GLRX3: variants seen among roughly 807,000 people sequenced by gnomAD.
GLRX3 encodes glutaredoxin 3.
In GLRX3, 22 loss-of-function variants were observed where a neutral mutation model predicts 49.5. That is an observed-to-expected ratio of 0.44 (90% confidence interval 0.32 to 0.63). The LOEUF (loss-of-function observed/expected upper bound fraction) is 0.63, where lower values mean the gene tolerates loss of function less well. Ranked by LOEUF, GLRX3 falls within the 30% of genes least tolerant of loss-of-function variation. GLRX3 has a pLI of 0.05. For synonymous variants in GLRX3, 133 were observed against 140.0 expected, an observed-to-expected ratio of 0.95 and a Z score of 0.35; for missense variants, 385 against 396.3, an observed-to-expected ratio of 0.97 and a Z score of 0.24.
At chr10:130,142,736 AT>A (rs1862198291) in intron 1 of GLRX3, among the ~76,000 whole-genome samples, 1 of 151,870 alleles carries the variant, frequency 6.6e-6, no homozygotes, top group Non-Finnish European at 1.5e-5. Context: ...GCATTGGATG[AT>A]TGTCACTCCC....
At chr10:130,175,176 G>A (rs1202816122) in intron 10 of GLRX3, 87 bp downstream of exon 10, 3 of 803,568 alleles carry the variant, frequency 3.7e-6, no homozygotes, top group African/African-American at 1.7e-5. Context: ...AAACTTGAGA[G>A]TTGTTTTTGA....
chr10:130,148,470 A>G (rs1862310575), intron 2 of GLRX3, among the ~76,000 whole-genome samples: 2 of 117,438 alleles, frequency 1.7e-5, no homozygotes, highest in Admixed American at 2.1e-4. Context: ...TAATGATGAA[A>G]TGGTTTGGCA....
Position 130,160,943 on chromosome 10 carries a change from C to T in GLRX3, c.424C>T (p.His142Tyr). Residue 142 changes from histidine to tyrosine, a missense_variant, in exon 4 of 11, where the codon CAT becomes TAT. Physicochemically the swap from His to Tyr is moderately conservative, Grantham distance 83. This residue lies in a region of GLRX3 where 374 missense variants were observed against 358.6 expected (regional missense o/e 1.04). Transcript: ENST00000331244. ...DLNLRLKKLT[H>Y]AAPCMLFMKG... ...CAACCTTCGCTTGAAGAAATTGACT[C>T]ATGCTGCCCCCTGCATGCTGTTTAT... The T allele has an allele frequency of 6.2e-7, 1 of 1,613,828 alleles. No homozygotes were observed. Among genetic ancestry groups the T allele is most frequent in the East Asian group, 2.2e-5 (1 of 44,860 alleles).
chr10:130,169,680 A>G (rs1462401818), intron 7 of GLRX3, among the ~76,000 whole-genome samples, 190 bp downstream of exon 7: 2 of 152,236 alleles, frequency 1.3e-5, no homozygotes, highest in Admixed American at 6.5e-5. Context: ...TTTATCATCA[A>G]CATCTCAGTG....
chr10:130,167,087 G>T (rs540907262), intron 6 of GLRX3, 107 bp downstream of exon 6: 1 of 576,284 alleles, frequency 1.7e-6, no homozygotes, highest in South Asian at 3.0e-5. Flanking sequence ...CAAGGATTTG[G>T]TATGCCAGAC....
Position 130,136,439 on chromosome 10 carries a change from GA to G in GLRX3, c.20del (p.Glu7GlyfsTer4). MAAGAA[E>X]AAVAAVEEVG... Reference sequence around the variant, plus strand: ...CGGCAGCATGGCGGCGGGGGCGGCTGAGGCAGCTGTAGCGGCCGTGGAGGAG... The same window carrying G: ...CGGCAGCATGGCGGCGGGGGCGGCTGGGCAGCTGTAGCGGCCGTGGAGGAG... On this transcript the variant is annotated frameshift_variant, in exon 1 of 11. Coordinates refer to ENST00000331244, the MANE Select transcript of GLRX3 (RefSeq NM_006541.5). LOFTEE classifies it high-confidence loss of function. 1 of 1,258,318 alleles carries G rather than the reference GA, an allele frequency of 7.9e-7. No homozygotes were observed. Among genetic ancestry groups the G allele is most frequent in the South Asian group, 3.7e-5 (1 of 27,180 alleles). The allele number at this position is 1,258,318 out of a possible 1,614,324, so 77.9% of individuals were successfully genotyped here.
intron 2 of GLRX3, among the ~76,000 whole-genome samples, chr10:130,150,429 G>C (rs1862353573): frequency 6.6e-6 from 1 of 152,042 alleles, no homozygotes; most frequent in Admixed American, 6.5e-5. Context: ...AGACTTACCA[G>C]CTAGCTGGTT....
At chr10:130,172,784 A>G (rs2134924194) in intron 8 of GLRX3, among the ~76,000 whole-genome samples, 1 of 152,274 alleles carries the variant, frequency 6.6e-6, no homozygotes, top group East Asian at 1.9e-4. Context: ...TCTACTAAAA[A>G]TACAAAAATT....
intron 2 of GLRX3, among the ~76,000 whole-genome samples, chr10:130,150,075 A>G (rs1270148865): frequency 1.3e-5 from 2 of 151,528 alleles, no homozygotes; most frequent in Non-Finnish European, 2.9e-5. Flanking sequence ...CATCTCTACT[A>G]AAAATACAAA....
rs934985190 is a variant in GLRX3 at position 130,160,640 on chromosome 10, T to C, written c.277-156T>C. Reference sequence around the variant, plus strand: ...TGTTTCTGAGAAAAGAAAAAAATTATGTATTTCTAAAATTGAGATGCAGTG... The same window carrying C: ...TGTTTCTGAGAAAAGAAAAAAATTACGTATTTCTAAAATTGAGATGCAGTG... On this transcript the variant is annotated intron_variant, in intron 3 of 10. Transcript: ENST00000331244. 2.6e-5 allele frequency among the ~76,000 whole-genome samples: 4 copies of C among 152,332 alleles called. No homozygotes were observed. In the East Asian group the frequency reaches 7.7e-4, roughly 29 times the overall value.
chr10:130,139,630 A>T (rs1862135632), intron 1 of GLRX3, among the ~76,000 whole-genome samples: 1 of 143,958 alleles, frequency 6.9e-6, no homozygotes, highest in African/African-American at 2.6e-5. Flanking sequence ...CGACAGACGA[A>T]GACTCCATCT....
At chr10:130,162,366 C>T (rs1264953122) in intron 4 of GLRX3, among the ~76,000 whole-genome samples, 1 of 152,206 alleles carries the variant, frequency 6.6e-6, no homozygotes, top group African/African-American at 2.4e-5. Context: ...TTGTGTATTG[C>T]AAAGCTAACT....
In GLRX3 at chr10:130,136,456, C is replaced by A. The variant is rs1356462231; in HGVS notation, c.36C>A (p.Ala12=). 10 of 1,264,268 alleles carry A rather than the reference C, an allele frequency of 7.9e-6. No individual in the cohort carries two copies. Among genetic ancestry groups the A allele is most frequent in the Non-Finnish European group, 8.0e-6 (8 of 998,802 alleles). The allele number at this position is 1,264,268 out of a possible 1,614,324, so 78.3% of individuals were successfully genotyped here. Reference sequence around the variant, plus strand: ...GGGCGGCTGAGGCAGCTGTAGCGGCCGTGGAGGAGGTCGGCTCAGCCGGGC... The same window carrying A: ...GGGCGGCTGAGGCAGCTGTAGCGGCAGTGGAGGAGGTCGGCTCAGCCGGGC... ...AAGAAEAAVA[A]VEEVGSAGQF... is the part of the protein sequence containing the mutation. The change falls in exon 1 of 11, where the codon GCC becomes GCA. Residue 12 remains alanine, a synonymous_variant. Coordinates refer to ENST00000331244, the MANE Select transcript of GLRX3 (RefSeq NM_006541.5).
intron 8 of GLRX3, among the ~76,000 whole-genome samples, chr10:130,174,570 C>T (rs1454119203): frequency 1.3e-5 from 2 of 152,248 alleles, no homozygotes; most frequent in African/African-American, 4.8e-5. Context: ...GCAGCAGAGA[C>T]TGTCTGGCCT....
chr10:130,167,437 TC>T (rs1238911787), intron 6 of GLRX3, among the ~76,000 whole-genome samples: 1 of 152,224 alleles, frequency 6.6e-6, no homozygotes, highest in African/African-American at 2.4e-5. Flanking sequence ...TGAGCACTTC[TC>T]ATGGCCTTTC....
At chr10:130,142,521 A>G (rs1364833796) in intron 1 of GLRX3, among the ~76,000 whole-genome samples, 1 of 152,032 alleles carries the variant, frequency 6.6e-6, no homozygotes, top group Non-Finnish European at 1.5e-5. Context: ...CATTTGCACT[A>G]TCCCCTAGTA....
intron 6 of GLRX3, among the ~76,000 whole-genome samples, chr10:130,167,622 G>A (rs1009247464): frequency 9.9e-5 from 15 of 152,234 alleles, no homozygotes; most frequent in African/African-American, 3.6e-4. Flanking sequence ...ACTTTAAAAA[G>A]GAATTTATTA....
chr10:130,145,090 T>C lies in GLRX3; in HGVS notation c.93-121T>C, dbSNP rs1458177810. 8 of 493,156 alleles carry C rather than the reference T, an allele frequency of 1.6e-5. No homozygotes were observed. The Admixed American group carries it at 2.5e-4, about 15-fold the overall frequency. 30.5% of individuals were successfully genotyped at this position (493,156 alleles called of 1,614,324 possible). A position where few individuals can be genotyped will look rare whatever the true frequency, so the allele number is the denominator to read the frequency against. On this transcript the variant is annotated intron_variant, in intron 1 of 10. Transcript: ENST00000331244. The stretch of plus-strand genomic sequence containing the variant: ...TGTATACAACAAAATTCTAGCAATA[T>C]GAAAAACTTCAGACGGTTCTTTTAA...
At chr10:130,171,469 A>T in intron 7 of GLRX3, 115 bp from the exon 8 acceptor site, 1 of 707,282 alleles carries the variant, frequency 1.4e-6, no homozygotes. Context: ...AGCTGAGTGA[A>T]AGTAGTGGCA....
Sources: allele counts gnomAD v4.1 joint callset (sites outside exome capture counted in the v4.1 genomes callset), GRCh38; gene constraint gnomAD v4.1.1; regional missense constraint gnomAD v4.1.1; transcripts MANE v1.5; gene names NCBI Gene and HGNC (gene_info 2026-07-23, HGNC 2026-07-21).